Variants in TLN2 observed in about 807,000 individuals in gnomAD.
TLN2 encodes the protein talin-2.
In TLN2, 118 loss-of-function variants were observed where a neutral mutation model predicts 294.7. The ratio of observed to expected loss-of-function variants is 0.40; its 90% CI spans 0.34 to 0.47. TLN2 has a LOEUF of 0.47. Ranked by LOEUF, TLN2 falls within the 20% of genes least tolerant of loss-of-function variation. The probability of loss-of-function intolerance (pLI) is 0.84; values close to 1 mark genes in which losing one functional copy is unlikely to be tolerated. For missense variants in TLN2, 3,083 were observed against 3,282.2 expected, an observed-to-expected ratio of 0.94 and a Z score of 1.48; for synonymous variants, 1,431 against 1,304.5, an observed-to-expected ratio of 1.10 and a Z score of -2.09.
At chr15:62,595,720 C>T (rs1223545825) in intron 2 of TLN2, among the ~76,000 whole-genome samples, 1 of 152,184 alleles carries the variant, frequency 6.6e-6, no homozygotes, top group Non-Finnish European at 1.5e-5. Context: ...CAGTGAAATA[C>T]TATTCAGCCT....
intron 3 of TLN2, among the ~76,000 whole-genome samples, chr15:62,641,224 A>G (rs2051055874): frequency 6.6e-6 from 1 of 152,190 alleles, no homozygotes; most frequent in African/African-American, 2.4e-5. Flanking sequence ...TAGATACAAA[A>G]TAAACAATAA....
chr15:62,570,547 T>C (rs1437837385), intron 1 of TLN2, among the ~76,000 whole-genome samples: 1 of 152,094 alleles, frequency 6.6e-6, no homozygotes, highest in Admixed American at 6.5e-5. Context: ...TTTGTCCCAC[T>C]CTCTCTCTTT....
chr15:62,465,566 TGTC>T (rs2037085957), intron 1 of TLN2, among the ~76,000 whole-genome samples: 1 of 152,230 alleles, frequency 6.6e-6, no homozygotes, highest in Non-Finnish European at 1.5e-5. Flanking sequence ...GCTAAGTTGT[TGTC>T]TTCCATGGAG....
rs748877240 is a variant in TLN2 at position 62,783,911 on chromosome 15, T to C, written c.5736+21T>C. ...AGGAGGTCTGCCACCTTAAGACCCC[T>C]ATTTTAAGATGCACACACACACTGG... On this transcript the variant is annotated intron_variant, in intron 45 of 58. Coordinates refer to ENST00000636159, the MANE Select transcript of TLN2 (RefSeq NM_015059.3). 3 of 1,613,192 alleles carry C rather than the reference T, an allele frequency of 1.9e-6. No homozygotes were observed. In the South Asian group the frequency reaches 3.3e-5, roughly 18 times the overall value.
chr15:62,507,920 T>C (rs2039711936), intron 1 of TLN2, among the ~76,000 whole-genome samples: 1 of 152,222 alleles, frequency 6.6e-6, no homozygotes, highest in Non-Finnish European at 1.5e-5. Context: ...ATATTCTTTA[T>C]TTTGTAGTAC....
chr15:62,432,618 T>C (rs998840923), intron 1 of TLN2, among the ~76,000 whole-genome samples: 1 of 152,222 alleles, frequency 6.6e-6, no homozygotes, highest in Non-Finnish European at 1.5e-5. Flanking sequence ...ATGTGTGTTA[T>C]GTGATTTGAT....
chr15:62,791,479 G>GT (rs1029475345), intron 45 of TLN2, among the ~76,000 whole-genome samples: 3 of 152,304 alleles, frequency 2.0e-5, no homozygotes, highest in East Asian at 1.9e-4. Context: ...AAGGAAGAGA[G>GT]TTTTTTCCCT....
chr15:62,463,276 C>G (rs944876715), intron 1 of TLN2, among the ~76,000 whole-genome samples: 1 of 152,214 alleles, frequency 6.6e-6, no homozygotes, highest in Non-Finnish European at 1.5e-5. Context: ...GTGTTCCCTT[C>G]TGGATCTCTT....
intron 3 of TLN2, among the ~76,000 whole-genome samples, chr15:62,642,968 C>G (rs1356061337): frequency 6.6e-6 from 1 of 152,186 alleles, no homozygotes; most frequent in Non-Finnish European, 1.5e-5. Context: ...TCCCAAAGTG[C>G]TGGGATTACA....
intron 22 of TLN2, 36 bp from the exon 23 acceptor site, chr15:62,716,295 C>A (rs1183765565): frequency 1.9e-6 from 3 of 1,550,872 alleles, no homozygotes; most frequent in Non-Finnish European, 2.6e-6. Flanking sequence ...ATGTCTCCTG[C>A]TGGACCACTT....
intron 31 of TLN2, chr15:62,740,336 C>A: frequency 3.3e-6 from 1 of 303,908 alleles, no homozygotes; most frequent in Non-Finnish European, 6.2e-6. Context: ...TCACTCTCCT[C>A]CCACCCTGCT....
At chr15:62,670,979 C>T (rs896548192) in intron 9 of TLN2, among the ~76,000 whole-genome samples, 2 of 152,134 alleles carry the variant, frequency 1.3e-5, no homozygotes, top group South Asian at 2.1e-4. Flanking sequence ...TAGCCATCCT[C>T]GCGGGTATGT....
chr15:62,449,965 T>G (rs1322683481), intron 1 of TLN2, among the ~76,000 whole-genome samples: 2 of 152,218 alleles, frequency 1.3e-5, no homozygotes, highest in African/African-American at 4.8e-5. Context: ...GTCCTGGTTG[T>G]AAAAGAATTT....
chr15:62,749,481 T>C (rs1336365369), intron 33 of TLN2, among the ~76,000 whole-genome samples: 2 of 152,246 alleles, frequency 1.3e-5, no homozygotes, highest in Non-Finnish European at 2.9e-5. Flanking sequence ...AGTTTAGGAT[T>C]GCTGTTAATA....
chr15:62,832,200 T>C (rs569829030), intron 54 of TLN2: 3 of 151,260 alleles, frequency 2.0e-5, no homozygotes, highest in African/African-American at 7.3e-5. Context: ...AAAAATCTAC[T>C]ACTGTTGGCA....
chr15:62,540,203 T>A (rs749239050), intron 1 of TLN2, among the ~76,000 whole-genome samples: 1 of 152,006 alleles, frequency 6.6e-6, no homozygotes, highest in Non-Finnish European at 1.5e-5. Context: ...TAGCTGGGCA[T>A]GGTGATGGGT....
At chr15:62,435,353 C>T (rs572928681) in intron 1 of TLN2, among the ~76,000 whole-genome samples, 71 of 152,270 alleles carry the variant, frequency 4.7e-4, no homozygotes, top group African/African-American at 1.6e-3. Flanking sequence ...CTATCTTCCG[C>T]GATGGTTGAA....
At chr15:62,662,306 G>C (rs1024937875) in intron 9 of TLN2, among the ~76,000 whole-genome samples, 26 of 152,042 alleles carry the variant, frequency 1.7e-4, no homozygotes, top group African/African-American at 6.3e-4. Context: ...AATCTTGAAA[G>C]AAATTGACTT....
At chr15:62,614,881 C>G (rs749117378) in intron 2 of TLN2, among the ~76,000 whole-genome samples, 1 of 152,182 alleles carries the variant, frequency 6.6e-6, no homozygotes, top group Non-Finnish European at 1.5e-5. Context: ...TCTTGGCTCA[C>G]TGCAACCCCC....
Sources: gnomAD v4.1 joint callset for allele counts (sites outside exome capture counted in the v4.1 genomes callset) on GRCh38, gnomAD v4.1.1 for gene constraint, MANE v1.5 for transcripts, NCBI Gene and HGNC (gene_info 2026-07-23, HGNC 2026-07-21) for gene names.